R3HDM2: variants seen among roughly 807,000 people sequenced by gnomAD.
R3HDM2 encodes the protein R3H domain-containing protein 2.
In R3HDM2, 38 loss-of-function variants were observed where a neutral mutation model predicts 124.5. The ratio of observed to expected loss-of-function variants is 0.31; its 90% CI spans 0.24 to 0.40. The LOEUF is 0.40. R3HDM2 is among the 10% of genes least tolerant of loss of function. The pLI is 1.00. For synonymous variants in R3HDM2, 391 were observed against 448.0 expected, an observed-to-expected ratio of 0.87 and a Z score of 1.61; for missense variants, 869 against 1,236.9, an observed-to-expected ratio of 0.70 and a Z score of 4.46.
At chr12:57,405,908 G>A (rs922562223) in intron 1 of R3HDM2, among the ~76,000 whole-genome samples, 2 of 152,108 alleles carry the variant, frequency 1.3e-5, no homozygotes, top group African/African-American at 2.4e-5. Flanking sequence ...CGGTCATCTT[G>A]TCAGACCAGA....
At chr12:57,426,219 C>T (rs2070728615) in intron 1 of R3HDM2, among the ~76,000 whole-genome samples, 1 of 151,952 alleles carries the variant, frequency 6.6e-6, no homozygotes, top group Admixed American at 6.6e-5. Context: ...CAGAGCGAGA[C>T]TCCATCTCAA....
chr12:57,270,109 G>A, intron 14 of R3HDM2, 115 bp from the exon 15 acceptor site: 1 of 1,263,532 alleles, frequency 7.9e-7, no homozygotes, highest in East Asian at 2.3e-5. Flanking sequence ...AAAACAATGG[G>A]GGATAGTCCT....
chr12:57,280,328 A>C (rs375761448), intron 14 of R3HDM2, 30 bp downstream of exon 14: 1 of 1,596,378 alleles, frequency 6.3e-7, no homozygotes, highest in Non-Finnish European at 8.6e-7. Context: ...ATCAGAGTGG[A>C]GAGGACTCTG....
At chr12:57,313,602 G>C (rs1419567806) in intron 2 of R3HDM2, among the ~76,000 whole-genome samples, 2 of 151,582 alleles carry the variant, frequency 1.3e-5, no homozygotes, top group Non-Finnish European at 2.9e-5. Context: ...AAATTATGCT[G>C]GGTGCAGTGG....
intron 12 of R3HDM2, among the ~76,000 whole-genome samples, chr12:57,286,768 C>G (rs1370852771): frequency 1.3e-5 from 2 of 152,038 alleles, no homozygotes; most frequent in Non-Finnish European, 2.9e-5. Context: ...ATCCCAGCTA[C>G]TCGGGAGGCT....
intron 2 of R3HDM2, among the ~76,000 whole-genome samples, 156 bp from the exon 3 acceptor site, chr12:57,310,619 A>T (rs1317638670): frequency 7.0e-6 from 1 of 142,318 alleles, no homozygotes; most frequent in African/African-American, 2.5e-5. Context: ...TCATTTCTTT[A>T]AAAAAAAAAA....
rs530074416 is a variant in R3HDM2 at position 57,258,528 on chromosome 12, A to G, written c.2301+362T>C. Among the ~76,000 whole-genome samples the G allele has an allele frequency of 1.1e-4, 17 of 151,980 alleles. 1 individual carries two copies. In the South Asian group the frequency reaches 3.5e-3, roughly 32 times the overall value. The stretch of plus-strand genomic sequence containing the variant: ...CCTGGCTAATTTTTTTATTTTCAGT[A>G]GAGACGGGGTATCACCACGTTGGTC... On this transcript the variant is annotated intron_variant, in intron 20 of 23. Transcript: ENST00000402412.
chr12:57,366,743 G>C (rs533690333), intron 2 of R3HDM2, among the ~76,000 whole-genome samples: 1 of 152,222 alleles, frequency 6.6e-6, no homozygotes, highest in Non-Finnish European at 1.5e-5. Context: ...AGGCTGGAGT[G>C]CAGTGGCGCG....
chr12:57,267,196 A>G (rs923393815), intron 18 of R3HDM2, among the ~76,000 whole-genome samples: 33 of 152,188 alleles, frequency 2.2e-4, no homozygotes, highest in African/African-American at 7.7e-4. Flanking sequence ...ACAGACACAG[A>G]GTGCTAGAAA....
In R3HDM2 at chr12:57,388,658, G is replaced by C. The variant is rs968435082; in HGVS notation, c.-36+7091C>G. ...GATTATGAGTTATTTGCGCAGGAGG[G>C]CTATGTGTCCTGGACCACGAAGGCA... On this transcript the variant is annotated intron_variant, in intron 2 of 23. Transcript: ENST00000402412. Among the ~76,000 whole-genome samples, 3 of 152,210 alleles carry C rather than the reference G, an allele frequency of 2.0e-5. No homozygotes were observed. In the East Asian group the frequency reaches 5.8e-4, roughly 29 times the overall value.
intron 2 of R3HDM2, among the ~76,000 whole-genome samples, chr12:57,322,135 G>A (rs1301743815): frequency 6.6e-6 from 1 of 152,070 alleles, no homozygotes; most frequent in African/African-American, 2.4e-5. Context: ...AGAACTGCTT[G>A]AATCCTGGAG....
intron 2 of R3HDM2, among the ~76,000 whole-genome samples, chr12:57,323,807 C>A (rs769102720): frequency 6.6e-6 from 1 of 152,108 alleles, no homozygotes; most frequent in Non-Finnish European, 1.5e-5. Context: ...GCCCTTTTTA[C>A]GTCCTAAAGT....
At chr12:57,422,084 TC>T (rs2070265550) in intron 1 of R3HDM2, among the ~76,000 whole-genome samples, 1 of 99,766 alleles carries the variant, frequency 1.0e-5, no homozygotes, top group South Asian at 3.6e-4. Flanking sequence ...AGAGGGAGAC[TC>T]CGCCTAGCAA....
intron 14 of R3HDM2, among the ~76,000 whole-genome samples, chr12:57,273,168 A>G (rs1427718153): frequency 6.6e-6 from 1 of 151,652 alleles, no homozygotes; most frequent in Non-Finnish European, 1.5e-5. Flanking sequence ...ACTTCCTTCC[A>G]CTCCATGATT....
chr12:57,426,567 G>A (rs547874500), intron 1 of R3HDM2, among the ~76,000 whole-genome samples: 14 of 152,302 alleles, frequency 9.2e-5, no homozygotes, highest in African/African-American at 3.4e-4. Context: ...GCTAGGTAGG[G>A]TCAGAGAAGT....
At chr12:57,255,796 T>C (rs192887360) in intron 23 of R3HDM2, among the ~76,000 whole-genome samples, 194 bp downstream of exon 23, 1 of 152,320 alleles carries the variant, frequency 6.6e-6, no homozygotes, top group Admixed American at 6.5e-5. Flanking sequence ...ACCATGATCT[T>C]CCTCAGAATC....
intron 14 of R3HDM2, among the ~76,000 whole-genome samples, chr12:57,275,992 C>T (rs1191581702): frequency 1.3e-5 from 2 of 151,904 alleles, no homozygotes; most frequent in African/African-American, 2.4e-5. Flanking sequence ...CCAAGGCGGG[C>T]GGATCATGAG....
At chr12:57,426,090 T>G (rs1264425286) in intron 1 of R3HDM2, among the ~76,000 whole-genome samples, 1 of 151,974 alleles carries the variant, frequency 6.6e-6, no homozygotes, top group Non-Finnish European at 1.5e-5. Context: ...TATCCAGGCG[T>G]GGTAGCCGAT....
chr12:57,412,151 G>A (rs1306576123), intron 1 of R3HDM2, among the ~76,000 whole-genome samples: 1 of 152,198 alleles, frequency 6.6e-6, no homozygotes, highest in African/African-American at 2.4e-5. Flanking sequence ...TGTGAGAACA[G>A]ACAAATACAC....
Sources: gnomAD v4.1 joint callset for allele counts (sites outside exome capture counted in the v4.1 genomes callset) on GRCh38, gnomAD v4.1.1 for gene constraint, MANE v1.5 for transcripts, NCBI Gene and HGNC (gene_info 2026-07-23, HGNC 2026-07-21) for gene names.